Variants in BMP6 observed in about 807,000 individuals in gnomAD.
BMP6 encodes the protein VG-1-R.
In BMP6, 17 loss-of-function variants were observed where a neutral mutation model predicts 54.1. That is an observed-to-expected ratio of 0.31 (90% CI 0.22 to 0.47). BMP6 has a LOEUF of 0.47. BMP6 is among the 20% of genes least tolerant of loss of function. The pLI is 1.00. For missense variants in BMP6, 720 were observed against 690.4 expected (o/e 1.04, Z -0.48); for synonymous variants, 328 against 291.2 (o/e 1.13, Z -1.28).
chr6:7,870,860 C>T (rs938574672), intron 4 of BMP6, among the ~76,000 whole-genome samples: 1 of 152,158 alleles, frequency 6.6e-6, no homozygotes. Flanking sequence ...AACTCCTGAC[C>T]TCAAACAATC....
At chr6:7,838,194 T>G (rs1258305536) in intron 1 of BMP6, among the ~76,000 whole-genome samples, 1 of 152,058 alleles carries the variant, frequency 6.6e-6, no homozygotes, top group Non-Finnish European at 1.5e-5. Context: ...ACTTTTATTA[T>G]AGTATATTGT....
chr6:7,855,978 T>G (rs1246303715), intron 2 of BMP6, among the ~76,000 whole-genome samples: 5 of 152,148 alleles, frequency 3.3e-5, no homozygotes, highest in African/African-American at 1.2e-4. Flanking sequence ...GTTTGCTATG[T>G]TAATATTCTA....
intron 1 of BMP6, among the ~76,000 whole-genome samples, chr6:7,815,074 C>A (rs1758505651): frequency 6.6e-6 from 1 of 152,138 alleles, no homozygotes; most frequent in South Asian, 2.1e-4. Flanking sequence ...GTTCCTAAAT[C>A]ACCTCTTGTA....
chr6:7,838,407 T>C (rs1408185434), intron 1 of BMP6, among the ~76,000 whole-genome samples: 3 of 152,124 alleles, frequency 2.0e-5, no homozygotes, highest in African/African-American at 7.2e-5. Flanking sequence ...CACAATGCCA[T>C]AGGAAATGAG....
intron 1 of BMP6, among the ~76,000 whole-genome samples, chr6:7,827,228 C>T (rs1402361686): frequency 1.3e-5 from 2 of 152,204 alleles, no homozygotes; most frequent in East Asian, 1.9e-4. Context: ...GACCCCGTCG[C>T]CCCCTGTGCG....
chr6:7,808,846 G>A (rs1758391970), intron 1 of BMP6, among the ~76,000 whole-genome samples: 1 of 150,746 alleles, frequency 6.6e-6, no homozygotes. Flanking sequence ...CCCAGGAGGT[G>A]GAGGCTGCAT....
chr6:7,809,929 T>A (rs543419169), intron 1 of BMP6, among the ~76,000 whole-genome samples: 1 of 139,628 alleles, frequency 7.2e-6, no homozygotes, highest in Non-Finnish European at 1.5e-5. Context: ...AATGCCAAAA[T>A]CTCTTGTACA....
intron 1 of BMP6, among the ~76,000 whole-genome samples, chr6:7,789,626 C>T (rs1008285709): frequency 6.6e-6 from 1 of 152,128 alleles, no homozygotes; most frequent in Non-Finnish European, 1.5e-5. Flanking sequence ...CCTGGAGTCT[C>T]ATGGAGAGGG....
At chr6:7,753,406 G>T (rs1351364903) in intron 1 of BMP6, among the ~76,000 whole-genome samples, 1 of 152,222 alleles carries the variant, frequency 6.6e-6, no homozygotes, top group Non-Finnish European at 1.5e-5. Flanking sequence ...CCACTAGGGA[G>T]CGTGTCAGAA....
intron 1 of BMP6, among the ~76,000 whole-genome samples, chr6:7,780,165 T>G (rs1254632234): frequency 1.3e-5 from 2 of 152,214 alleles, no homozygotes; most frequent in African/African-American, 4.8e-5. Flanking sequence ...CTCGCACTTG[T>G]GTTGTGTTTC....
At chr6:7,813,108 A>AAAAAAAAAATATATATATATAT (rs1554122651) in intron 1 of BMP6, among the ~76,000 whole-genome samples, 1 of 21,496 alleles carries the variant, frequency 4.7e-5, no homozygotes, top group Admixed American at 1.1e-3. Flanking sequence ...AAAAAAAAAA[A>AAAAAAAAAATATATATATATAT]ATATATATAT....
intron 4 of BMP6, among the ~76,000 whole-genome samples, chr6:7,868,007 T>A (rs939669252): frequency 4.6e-5 from 7 of 152,162 alleles, no homozygotes; most frequent in African/African-American, 1.7e-4. Context: ...TTGCCAACCC[T>A]GGGAGGGCAC....
chr6:7,737,645 T>C (rs948814702), intron 1 of BMP6, among the ~76,000 whole-genome samples: 4 of 152,122 alleles, frequency 2.6e-5, no homozygotes, highest in African/African-American at 4.8e-5. Flanking sequence ...CTTTTTTTTT[T>C]TCTCTTCTTT....
intron 1 of BMP6, among the ~76,000 whole-genome samples, chr6:7,759,138 T>G (rs1757568698): frequency 6.6e-6 from 1 of 152,196 alleles, no homozygotes; most frequent in African/African-American, 2.4e-5. Flanking sequence ...GATTTGACAT[T>G]CAATGAATCA....
At chr6:7,751,349 C>T (rs1445975957) in intron 1 of BMP6, among the ~76,000 whole-genome samples, 2 of 152,154 alleles carry the variant, frequency 1.3e-5, no homozygotes, top group East Asian at 3.8e-4. Flanking sequence ...TTGGAAACTT[C>T]CCAAAAATAC....
chr6:7,784,214 T>G (rs1757989140), intron 1 of BMP6, among the ~76,000 whole-genome samples: 2 of 152,244 alleles, frequency 1.3e-5, no homozygotes, highest in Non-Finnish European at 2.9e-5. Context: ...CTTCCCAGTT[T>G]CCTTTTGTGA....
intron 1 of BMP6, among the ~76,000 whole-genome samples, chr6:7,747,678 G>C (rs1316670238): frequency 6.6e-6 from 1 of 152,158 alleles, no homozygotes; most frequent in Non-Finnish European, 1.5e-5. Context: ...ACAAGGTCTT[G>C]CTCTGTTGCC....
chr6:7,818,730 A>C (rs1255101153), intron 1 of BMP6, among the ~76,000 whole-genome samples: 1 of 152,206 alleles, frequency 6.6e-6, no homozygotes, highest in Non-Finnish European at 1.5e-5. Context: ...CTTGCTTTCA[A>C]ATGAACAGGG....
At chr6:7,770,988 T>C (rs1757776886) in intron 1 of BMP6, among the ~76,000 whole-genome samples, 1 of 152,230 alleles carries the variant, frequency 6.6e-6, no homozygotes, top group Admixed American at 6.5e-5. Context: ...CTGAGTGGTA[T>C]TATTTGAGAT....
Sources: gnomAD v4.1 joint callset for allele counts (sites outside exome capture counted in the v4.1 genomes callset) on GRCh38, gnomAD v4.1.1 for gene constraint, MANE v1.5 for transcripts, NCBI Gene and HGNC (gene_info 2026-07-23, HGNC 2026-07-21) for gene names.